Variants in POLR1C observed in about 807,000 individuals in gnomAD.
POLR1C encodes the protein RNA polymerase I and III subunit C.
POLR1C carries 42 observed loss-of-function variants against 38.3 expected under a neutral mutation model. That is an observed-to-expected ratio of 1.10 (90% CI 0.86 to 1.42). The LOEUF is 1.42. Among genes scored for constraint, POLR1C ranks in the 40% most tolerant of loss-of-function variants. The pLI, the probability that POLR1C is intolerant of heterozygous loss-of-function variation, is 0.00. For missense variants in POLR1C, 507 were observed against 450.5 expected (o/e 1.13, Z -1.14); for synonymous variants, 163 against 163.9 (o/e 0.99, Z 0.04).
Position 43,520,662 on chromosome 6 carries a change from C to T in POLR1C, c.693C>T (p.Ala231=). The T allele has an allele frequency of 5.0e-6, 8 of 1,614,146 alleles. No individual in the cohort carries two copies. The highest frequency in any genetic ancestry group is 5.9e-6 in the Non-Finnish European group (7 of 1,179,994). Residue 231 remains alanine, a synonymous_variant, in exon 7 of 9, where the codon GCC becomes GCT. Coordinates refer to ENST00000642195, the MANE Select transcript of POLR1C (RefSeq NM_203290.4). ...CCAAGTTTTCACCAGTGGCAACAGC[C>T]AGTTACAGGCTCCTGCCAGACATCA... ...DHAKFSPVAT[A]SYRLLPDITL...
exon 11 of POLR1C, chr6:43,561,451 T>A (rs1762412265): frequency 6.4e-6 from 1 of 156,822 alleles, no homozygotes; most frequent in African/African-American, 2.4e-5. Context: ...CGATCTCGGC[T>A]CACTGCAACC....
chr6:43,531,459 A>G (rs1407404875), downstream of POLR1C: 2 of 1,597,028 alleles, frequency 1.3e-6, no homozygotes, highest in African/African-American at 2.7e-5. Context: ...AAATATGGAG[A>G]GGCAGCATTG....
chr6:43,536,734 T>C (rs1038087061), intron 9 of POLR1C, among the ~76,000 whole-genome samples: 1 of 111,956 alleles, frequency 8.9e-6, no homozygotes, highest in South Asian at 3.1e-4. Flanking sequence ...CACTCCAGCC[T>C]GGACGACAGA....
chr6:43,523,932 G>A (rs1339508304), downstream of POLR1C: 1 of 1,613,880 alleles, frequency 6.2e-7, no homozygotes, highest in African/African-American at 1.3e-5. Context: ...CTCCAGCATT[G>A]GCTTTGTTTT....
chr6:43,522,347 CTG>C (rs1177288883), downstream of POLR1C: 2 of 153,434 alleles, frequency 1.3e-5, no homozygotes, highest in African/African-American at 4.8e-5. Flanking sequence ...CTGTACGAAA[CTG>C]AGATTTTTAC....
At chr6:43,526,459 A>T, downstream of POLR1C, 1 of 562,832 alleles carries the variant, frequency 1.8e-6, no homozygotes, top group South Asian at 2.2e-5. Flanking sequence ...AGAAAAGATC[A>T]CATATATGGT....
chr6:43,531,962 ACTTAC>A (rs1794015681), downstream of POLR1C, among the ~76,000 whole-genome samples: 1 of 152,132 alleles, frequency 6.6e-6, no homozygotes, highest in African/African-American at 2.4e-5. Context: ...AATGAAACCC[ACTTAC>A]CTTAGTATTA....
chr6:43,520,136 T>C lies in POLR1C; in HGVS notation c.453T>C (p.His151=). Residue 151 remains histidine, a synonymous_variant, in exon 5 of 9, where the codon CAT becomes CAC. Coordinates refer to ENST00000642195, the MANE Select transcript of POLR1C (RefSeq NM_203290.4). ...AGGTCAGATGCACTCGGAACCCCCA[T>C]GCTGCTAAAGATTCCTCTGACCCCA... ...RLQVRCTRNP[H]AAKDSSDPNE... The C allele has an allele frequency of 6.2e-7, 1 of 1,614,198 alleles. No individual in the cohort carries two copies. Among genetic ancestry groups the C allele is most frequent in the Non-Finnish European group, 8.5e-7 (1 of 1,180,032 alleles).
At chr6:43,530,763 G>T, downstream of POLR1C, 1 of 1,613,950 alleles carries the variant, frequency 6.2e-7, no homozygotes, top group Non-Finnish European at 8.5e-7. Context: ...TGGGTAGCAA[G>T]GTCCTCCACA....
intron 9 of POLR1C, chr6:43,548,289 T>C (rs1795062074): frequency 1.2e-6 from 2 of 1,611,806 alleles, no homozygotes; most frequent in Non-Finnish European, 1.7e-6. Context: ...AGCCAGATGC[T>C]GGCCACTGGT....
chr6:43,546,730 A>G (rs1370858364), intron 9 of POLR1C: 8 of 1,608,964 alleles, frequency 5.0e-6, no homozygotes, highest in African/African-American at 1.3e-5. Context: ...CACACCCAGA[A>G]TGCTGTATAC....
At chr6:43,529,453 C>CT in exon 9 of POLR1C, 1 of 317,932 alleles carries the variant, frequency 3.1e-6, no homozygotes, top group South Asian at 2.5e-5. Flanking sequence ...ACTCGAGAAG[C>CT]TAAGGCAAGA....
downstream of POLR1C, among the ~76,000 whole-genome samples, chr6:43,524,232 A>T (rs566656581): frequency 2.6e-5 from 4 of 152,172 alleles, no homozygotes; most frequent in South Asian, 8.3e-4. Flanking sequence ...CATGCCTGTA[A>T]TCCCAGCTAC....
intron 6 of POLR1C, 57 bp from the exon 7 acceptor site, chr6:43,520,568 G>C: frequency 6.2e-7 from 1 of 1,601,568 alleles, no homozygotes; most frequent in Non-Finnish European, 8.6e-7. Context: ...CTTAGGAGGA[G>C]TATTCTTCCT....
At chr6:43,525,935 G>A, downstream of POLR1C, 1 of 1,613,574 alleles carries the variant, frequency 6.2e-7, no homozygotes, top group Non-Finnish European at 8.5e-7. Flanking sequence ...TTATCAGAGA[G>A]TAGAATGTTA....
intron 8 of POLR1C, among the ~76,000 whole-genome samples, chr6:43,528,473 A>T (rs937377659): frequency 6.6e-6 from 1 of 152,176 alleles, no homozygotes; most frequent in African/African-American, 2.4e-5. Context: ...GTCTCTAGAC[A>T]TACCTGTTCT....
chr6:43,524,598 T>A, downstream of POLR1C: 3 of 1,614,004 alleles, frequency 1.9e-6, no homozygotes, highest in Non-Finnish European at 1.7e-6. Flanking sequence ...TTCAGGGATT[T>A]GCTCCATTAC....
chr6:43,533,957 G>C, downstream of POLR1C: 1 of 1,607,642 alleles, frequency 6.2e-7, no homozygotes, highest in Non-Finnish European at 8.5e-7. Flanking sequence ...CTTGGTGAAA[G>C]GCTCTGCCAT....
At chr6:43,548,269 G>A (rs934801880) in intron 9 of POLR1C, 7 of 1,609,518 alleles carry the variant, frequency 4.3e-6, no homozygotes, top group Non-Finnish European at 5.9e-6. Flanking sequence ...ACCTGTGCAT[G>A]TCTTGAGAAA....
Sources: gnomAD v4.1 joint callset for allele counts (sites outside exome capture counted in the v4.1 genomes callset) on GRCh38, gnomAD v4.1.1 for gene constraint, MANE v1.5 for transcripts, NCBI Gene and HGNC (gene_info 2026-07-23, HGNC 2026-07-21) for gene names.